NHSL1: variants seen among roughly 807,000 people sequenced by gnomAD.
NHSL1 encodes the protein NHS-like protein 1.
Under a neutral mutation model 95.0 loss-of-function variants are expected in NHSL1, and 48 were observed. That is an observed-to-expected ratio of 0.51 (90% CI 0.40 to 0.64). NHSL1 has a LOEUF of 0.64. Ranked by LOEUF, NHSL1 falls within the 30% of genes least tolerant of loss-of-function variation. The pLI is 0.00. For missense variants in NHSL1, 1,971 were observed against 2,077.7 expected, an observed-to-expected ratio of 0.95 and a Z score of 1.00; for synonymous variants, 783 against 833.9, an observed-to-expected ratio of 0.94 and a Z score of 1.05.
chr6:138,454,214 T>C (rs1777434982), intron 3 of NHSL1, among the ~76,000 whole-genome samples: 1 of 152,106 alleles, frequency 6.6e-6, no homozygotes, highest in African/African-American at 2.4e-5. Context: ...CGTGCGTGCA[T>C]AAACTTGCTT....
intron 1 of NHSL1, among the ~76,000 whole-genome samples, chr6:138,518,476 A>ATTTT (rs79456955): frequency 7.3e-6 from 1 of 137,050 alleles, no homozygotes. Flanking sequence ...CACAGGAATG[A>ATTTT]TTTTTTTTTT....
intron 3 of NHSL1, among the ~76,000 whole-genome samples, chr6:138,455,213 C>T (rs1777502269): frequency 6.6e-6 from 1 of 152,202 alleles, no homozygotes; most frequent in Non-Finnish European, 1.5e-5. Context: ...CCCAGTAACA[C>T]ATGATTGGAC....
intron 1 of NHSL1, among the ~76,000 whole-genome samples, chr6:138,543,013 C>T (rs965477549): frequency 5.9e-5 from 9 of 152,130 alleles, no homozygotes; most frequent in Admixed American, 2.0e-4. Context: ...ATCCTCTCTC[C>T]GCGGCCTTCT....
chr6:138,527,546 C>T (rs1338573333), intron 1 of NHSL1, among the ~76,000 whole-genome samples: 1 of 152,046 alleles, frequency 6.6e-6, no homozygotes, highest in African/African-American at 2.4e-5. Context: ...AGAGAGCAGC[C>T]GGATTACCAG....
At chr6:138,552,723 T>G (rs1260090206) in intron 1 of NHSL1, among the ~76,000 whole-genome samples, 1 of 152,160 alleles carries the variant, frequency 6.6e-6, no homozygotes, top group Non-Finnish European at 1.5e-5. Context: ...TAGATAACCT[T>G]CCAGCCTCTT....
chr6:138,444,819 CTA>C (rs1776757912), intron 4 of NHSL1, among the ~76,000 whole-genome samples: 1 of 152,090 alleles, frequency 6.6e-6, no homozygotes, highest in Admixed American at 6.5e-5. Flanking sequence ...ATTAGAAAAA[CTA>C]ATTCTTTAAG....
At chr6:138,512,196 T>A (rs1781263252) in intron 1 of NHSL1, 1 of 434,392 alleles carries the variant, frequency 2.3e-6, no homozygotes, top group Admixed American at 2.6e-5. Context: ...CACTTTCCCA[T>A]GCTTAATGTT....
chr6:138,675,056 A>T (rs1785431128), intron 1 of NHSL1, among the ~76,000 whole-genome samples: 1 of 152,066 alleles, frequency 6.6e-6, no homozygotes, highest in Non-Finnish European at 1.5e-5. Flanking sequence ...TAAAAAAAAA[A>T]AAAAATCCCC....
chr6:138,510,833 T>C (rs751340767), intron 1 of NHSL1, among the ~76,000 whole-genome samples: 7 of 152,250 alleles, frequency 4.6e-5, no homozygotes, highest in Non-Finnish European at 1.0e-4. Flanking sequence ...AATCATTGTA[T>C]GGAGACATAT....
chr6:138,687,207 G>A (rs1261472811), intron 1 of NHSL1, among the ~76,000 whole-genome samples: 1 of 151,944 alleles, frequency 6.6e-6, no homozygotes, highest in Non-Finnish European at 1.5e-5. Context: ...AGGCCAAGGA[G>A]GGAGGATCGC....
chr6:138,505,114 T>C (rs1292614360), intron 1 of NHSL1, among the ~76,000 whole-genome samples: 3 of 152,082 alleles, frequency 2.0e-5, no homozygotes, highest in Non-Finnish European at 2.9e-5. Flanking sequence ...AGACATAGCC[T>C]TGCCCATCCC....
chr6:138,582,402 AG>A (rs1784073268), intron 1 of NHSL1, among the ~76,000 whole-genome samples: 1 of 150,292 alleles, frequency 6.7e-6, no homozygotes, highest in Non-Finnish European at 1.5e-5. Flanking sequence ...CAAAAAAAAA[AG>A]AGATGGGACC....
Position 138,422,677 on chromosome 6 carries a change from G to C in NHSL1, c.*1404C>G, listed in dbSNP as rs553609240. ...AATGAGATTATTACATTAAAATAAA[G>C]ACTTCACACACGTGTGTCCCATGTC... On this transcript the variant is annotated 3_prime_UTR_variant, in exon 8 of 8. Transcript: ENST00000343505. 4.2e-4 allele frequency: 64 copies of C among 152,302 alleles called. No homozygotes were observed. Among genetic ancestry groups the C allele is most frequent in the African/African-American group, 1.5e-3 (64 of 41,572 alleles). The allele number at this position is 152,302 out of a possible 1,614,324, so 9.4% of individuals were successfully genotyped here. A position where few individuals can be genotyped will look rare whatever the true frequency, so the allele number is the denominator to read the frequency against.
chr6:138,659,721 G>GT (rs35077038), intron 1 of NHSL1, among the ~76,000 whole-genome samples: 1,318 of 128,598 alleles, frequency 0.01, 10 homozygotes, highest in Middle Eastern at 0.019. Flanking sequence ...TTTTTTTTTT[G>GT]TTTTTTTTTT....
At chr6:138,485,983 T>C (rs1223454397) in intron 2 of NHSL1, among the ~76,000 whole-genome samples, 2 of 152,114 alleles carry the variant, frequency 1.3e-5, no homozygotes, top group Non-Finnish European at 1.5e-5. Flanking sequence ...TCCCACACCA[T>C]GTAATGAACA....
At chr6:138,648,804 T>C (rs1308578512) in intron 1 of NHSL1, among the ~76,000 whole-genome samples, 2 of 152,152 alleles carry the variant, frequency 1.3e-5, no homozygotes, top group African/African-American at 4.8e-5. Context: ...TCCTGGGGGC[T>C]AAGAGCATAG....
At chr6:138,457,216 T>A (rs1777672255) in intron 3 of NHSL1, among the ~76,000 whole-genome samples, 1 of 152,230 alleles carries the variant, frequency 6.6e-6, no homozygotes, top group African/African-American at 2.4e-5. Flanking sequence ...TTGCCAACAG[T>A]ATTTTTTTCA....
intron 1 of NHSL1, among the ~76,000 whole-genome samples, chr6:138,689,456 G>T (rs550374658): frequency 6.6e-6 from 1 of 152,328 alleles, no homozygotes; most frequent in East Asian, 1.9e-4. Context: ...TGGCAAACTT[G>T]ATGAAATACC....
chr6:138,640,234 C>A (rs905010561), intron 1 of NHSL1, among the ~76,000 whole-genome samples: 1 of 152,160 alleles, frequency 6.6e-6, no homozygotes, highest in Non-Finnish European at 1.5e-5. Context: ...ACTTCCCTTA[C>A]ATTACAAAGT....
Sources: allele counts gnomAD v4.1 joint callset (sites outside exome capture counted in the v4.1 genomes callset), GRCh38; gene constraint gnomAD v4.1.1; transcripts MANE v1.5; gene names NCBI Gene and HGNC (gene_info 2026-07-23, HGNC 2026-07-21).